Variants in COBLL1 observed in about 807,000 individuals in gnomAD.
COBLL1 encodes cordon-bleu WH2 repeat protein like 1.
COBLL1 carries 50 observed loss-of-function variants against 94.8 expected under a neutral mutation model. The ratio of observed to expected loss-of-function variants is 0.53; its 90% confidence interval spans 0.42 to 0.67. The LOEUF (loss-of-function observed/expected upper bound fraction) is 0.67, where lower values mean the gene tolerates loss of function less well. Ranked by LOEUF, COBLL1 falls within the 30% of genes least tolerant of loss-of-function variation. COBLL1 has a pLI of 0.00. For missense variants in COBLL1, 1,362 were observed against 1,348.7 expected (o/e 1.01, Z -0.15); for synonymous variants, 448 against 473.8 (o/e 0.95, Z 0.71).
intron 2 of COBLL1, among the ~76,000 whole-genome samples, chr2:164,806,984 C>T (rs1338228474): frequency 2.6e-5 from 4 of 152,080 alleles, no homozygotes; most frequent in Admixed American, 1.3e-4. Context: ...GGGATTATAG[C>T]GTGAGCCACC....
At chr2:164,836,503 T>G (rs1293330641) in intron 2 of COBLL1, among the ~76,000 whole-genome samples, 1 of 152,206 alleles carries the variant, frequency 6.6e-6, no homozygotes, top group African/African-American at 2.4e-5. Flanking sequence ...AGCATAGGTT[T>G]GGAATCAGAG....
At chr2:164,807,907 C>T (rs1195798610) in intron 2 of COBLL1, among the ~76,000 whole-genome samples, 2 of 152,112 alleles carry the variant, frequency 1.3e-5, no homozygotes, top group Admixed American at 6.5e-5. Context: ...GCAACCTCTG[C>T]CTCCCAGGTT....
chr2:164,769,671 C>A (rs1688108432), intron 2 of COBLL1, among the ~76,000 whole-genome samples: 2 of 152,040 alleles, frequency 1.3e-5, no homozygotes, highest in South Asian at 4.1e-4. Flanking sequence ...CCAGCCTGGG[C>A]AACATAGTTA....
At chr2:164,817,630 G>T (rs1684836240) in intron 2 of COBLL1, among the ~76,000 whole-genome samples, 1 of 151,904 alleles carries the variant, frequency 6.6e-6, no homozygotes, top group Non-Finnish European at 1.5e-5. Flanking sequence ...CACCATCACT[G>T]TAAGACCCCA....
chr2:164,777,131 T>A (rs10181235), intron 2 of COBLL1, among the ~76,000 whole-genome samples: 43,096 of 152,024 alleles, frequency 0.28, 6,418 homozygotes, highest in East Asian at 0.4. Flanking sequence ...CATGATCTAA[T>A]CCAGAATACC....
intron 2 of COBLL1, chr2:164,800,563 C>T (rs1418567809): frequency 1.4e-6 from 1 of 701,444 alleles, no homozygotes; most frequent in Middle Eastern, 2.3e-4. Flanking sequence ...TCCTAGGCAG[C>T]ATAAAAAAGA....
intron 7 of COBLL1, among the ~76,000 whole-genome samples, chr2:164,717,472 T>C (rs1685225940): frequency 6.6e-6 from 1 of 152,200 alleles, no homozygotes; most frequent in African/African-American, 2.4e-5. Context: ...ATAAGTATGA[T>C]TCACTTGTAC....
chr2:164,687,510 G>A, intron 13 of COBLL1: 1 of 1,434,614 alleles, frequency 7.0e-7, no homozygotes, highest in Non-Finnish European at 9.7e-7. Flanking sequence ...GCTTGGTGCG[G>A]ACGGACATGG....
In COBLL1 at chr2:164,681,904, G is replaced by A. The variant is rs927748706; in HGVS notation, c.*4042C>T. 8 of 152,092 alleles carry A rather than the reference G, an allele frequency of 5.3e-5. No homozygotes were observed. Among genetic ancestry groups the A allele is most frequent in the Admixed American group, 5.2e-4 (8 of 15,262 alleles). The allele number at this position is 152,092 out of a possible 1,614,324, so 9.4% of individuals were successfully genotyped here. On this transcript the variant is annotated 3_prime_UTR_variant, in exon 14 of 14. Transcript: ENST00000652658. ...CACATGGTGGCATTTTTTCCTTGTT[G>A]TAAACACAATGTATCTATATGAACA...
chr2:164,751,185 C>T (rs139957690), intron 2 of COBLL1, among the ~76,000 whole-genome samples: 8 of 152,306 alleles, frequency 5.3e-5, no homozygotes, highest in African/African-American at 1.7e-4. Context: ...CCCCACCCAT[C>T]GTGGCCCACT....
chr2:164,785,190 AC>A (rs1202963474), intron 2 of COBLL1, among the ~76,000 whole-genome samples: 5 of 152,138 alleles, frequency 3.3e-5, no homozygotes, highest in Non-Finnish European at 5.9e-5. Flanking sequence ...GGAGTCTGAG[AC>A]CAGCCTGAAA....
chr2:164,790,359 T>A (rs867213361), intron 2 of COBLL1, among the ~76,000 whole-genome samples: 1 of 152,186 alleles, frequency 6.6e-6, no homozygotes. Context: ...CCCATGACCC[T>A]AAACGGGAAT....
intron 2 of COBLL1, among the ~76,000 whole-genome samples, chr2:164,665,330 CAA>C (rs11441643): frequency 8.2e-6 from 1 of 121,832 alleles, no homozygotes. Flanking sequence ...GATTCTGTGT[CAA>C]AAAAAAAAAG....
intron 2 of COBLL1, among the ~76,000 whole-genome samples, chr2:164,767,869 A>C (rs1456265656): frequency 6.6e-6 from 1 of 152,202 alleles, no homozygotes; most frequent in Non-Finnish European, 1.5e-5. Context: ...AGCAATTGTA[A>C]AAACAGGCCT....
rs145125779 is a variant in COBLL1, at chr2:164,735,463, A to G, written c.231-5348T>C. On this transcript the variant is annotated intron_variant, in intron 3 of 13. Coordinates refer to ENST00000652658, the MANE Select transcript of COBLL1 (RefSeq NM_001365672.2). ...ACTAGTTTGAATGCTTTAAATATTT[A>G]ATTGAAGCCTCAGCATTCAGCACTG... 1.9e-4 allele frequency among the ~76,000 whole-genome samples: 29 copies of G among 152,326 alleles called. No homozygotes were observed. In the East Asian group the frequency reaches 3.1e-3, roughly 16 times the overall value.
intron 2 of COBLL1, among the ~76,000 whole-genome samples, chr2:164,834,664 C>T (rs1683237632): frequency 6.6e-6 from 1 of 152,066 alleles, no homozygotes; most frequent in Non-Finnish European, 1.5e-5. Flanking sequence ...TTTAGCTTTG[C>T]AGGCCATATG....
intron 3 of COBLL1, among the ~76,000 whole-genome samples, chr2:164,730,788 A>C (rs988701434): frequency 6.6e-6 from 1 of 152,198 alleles, no homozygotes; most frequent in African/African-American, 2.4e-5. Flanking sequence ...AATTGGTTAC[A>C]AAGTTCTCAT....
At chr2:164,764,178 C>A (rs144707234) in intron 2 of COBLL1, among the ~76,000 whole-genome samples, 2 of 152,300 alleles carry the variant, frequency 1.3e-5, no homozygotes, top group African/African-American at 4.8e-5. Flanking sequence ...GATTACCAGG[C>A]GTGAGCCACC....
Position 164,695,819 on chromosome 2 carries a change from T to C in COBLL1, c.1573A>G (p.Ile525Val). Reference protein sequence around the residue: ...NQENVVQNEIIVYPENTEDNM... With the variant: ...NQENVVQNEIVVYPENTEDNM... ...TCTTCTGTGTTCTCTGGATAGACAA[T>C]TATTTCATTTTGAACTACTGAGAGA... is the stretch of plus-strand genomic sequence containing the variant. The change falls in exon 12 of 14, where the codon ATT (isoleucine) becomes GTT (valine). Residue 525 changes from isoleucine to valine, a missense_variant. Transcript: ENST00000652658. 1 of 1,572,636 alleles carries C rather than the reference T, an allele frequency of 6.4e-7. No homozygotes were observed. The highest frequency in any genetic ancestry group is 8.6e-7 in the Non-Finnish European group (1 of 1,164,326).
Sources: gnomAD v4.1 joint callset for allele counts (sites outside exome capture counted in the v4.1 genomes callset) on GRCh38, gnomAD v4.1.1 for gene constraint, MANE v1.5 for transcripts, NCBI Gene and HGNC (gene_info 2026-07-23, HGNC 2026-07-21) for gene names.